The following RSPO2 variants were observed in gnomAD, a reference collection of about 807,000 sequenced individuals.
RSPO2 encodes the protein R-spondin-2.
Under a neutral mutation model 30.9 loss-of-function variants are expected in RSPO2, and 14 were observed. The observed-to-expected ratio is 0.45, with a 90% CI of 0.30 to 0.71. RSPO2 has a LOEUF of 0.71. RSPO2 is among the 30% of genes least tolerant of loss of function. The probability of loss-of-function intolerance (pLI) is 0.08; values close to 1 mark genes in which losing one functional copy is unlikely to be tolerated. For synonymous variants in RSPO2, 107 were observed against 96.4 expected, an observed-to-expected ratio of 1.11 and a Z score of -0.64; for missense variants, 264 against 301.9, an observed-to-expected ratio of 0.87 and a Z score of 0.93.
At chr8:108,035,533 C>T (rs1230955132) in intron 2 of RSPO2, among the ~76,000 whole-genome samples, 3 of 152,070 alleles carry the variant, frequency 2.0e-5, no homozygotes, top group Non-Finnish European at 2.9e-5. Context: ...TGCAGTGGCG[C>T]GATCTTGGCT....
At chr8:107,924,942 G>A (rs1173503823) in intron 5 of RSPO2, among the ~76,000 whole-genome samples, 1 of 151,904 alleles carries the variant, frequency 6.6e-6, no homozygotes, top group African/African-American at 2.4e-5. Context: ...CAGAGGTAGG[G>A]AAGTATTCTT....
intron 2 of RSPO2, among the ~76,000 whole-genome samples, chr8:108,073,400 C>T (rs778164080): frequency 6.6e-6 from 1 of 152,218 alleles, no homozygotes; most frequent in Non-Finnish European, 1.5e-5. Context: ...TATCCAGCAA[C>T]AGGGGAGGGA....
chr8:108,044,379 C>T (rs1053711530), intron 2 of RSPO2, among the ~76,000 whole-genome samples: 3 of 151,960 alleles, frequency 2.0e-5, no homozygotes, highest in South Asian at 2.1e-4. Context: ...TTTTCAATTA[C>T]CCCCCTCTCT....
intron 2 of RSPO2, among the ~76,000 whole-genome samples, chr8:108,060,839 A>G (rs1322415118): frequency 1.3e-5 from 2 of 151,850 alleles, no homozygotes; most frequent in African/African-American, 4.9e-5. Context: ...AGATCTCTCA[A>G]AAGAACCTCT....
In RSPO2 at chr8:108,007,399, TTATG is replaced by T. The variant is rs1815487321; in HGVS notation, c.95-18159_95-18156del. 2.0e-5 allele frequency among the ~76,000 whole-genome samples: 3 copies of T among 152,288 alleles called. No homozygotes were observed. In the South Asian group the frequency reaches 6.2e-4, roughly 32 times the overall value. ...GGGAAAAAATATACCACCCAAGAGA[TTATG>T]TATTAATCACAAATGAGAAAAGTTG... On this transcript the variant is annotated intron_variant, in intron 2 of 5. Coordinates refer to ENST00000276659, the MANE Select transcript of RSPO2 (RefSeq NM_178565.5).
chr8:107,921,662 CTT>C (rs1221813808), intron 5 of RSPO2, among the ~76,000 whole-genome samples: 6 of 151,638 alleles, frequency 4.0e-5, no homozygotes, highest in Non-Finnish European at 7.4e-5. Flanking sequence ...AAAGAGAAAA[CTT>C]CCAGCCAATA....
Position 108,010,329 on chromosome 8 carries a change from G to T in RSPO2, c.95-21085C>A, listed in dbSNP as rs138338794. ...TGGAACAAAAGATAATGCATATCTTGCCCTGACAAATGTGGGAAACACAAG... is the reference window on the plus strand; with the variant it reads ...TGGAACAAAAGATAATGCATATCTTTCCCTGACAAATGTGGGAAACACAAG... On this transcript the variant is annotated intron_variant, in intron 2 of 5. Coordinates refer to ENST00000276659, the MANE Select transcript of RSPO2 (RefSeq NM_178565.5). Among the ~76,000 whole-genome samples, 425 of 152,276 alleles carry T rather than the reference G, an allele frequency of 2.8e-3. 1 individual carries two copies. The highest frequency in any genetic ancestry group is 9.8e-3 in the African/African-American group (407 of 41,550).
At chr8:108,060,041 A>C (rs532231084) in intron 2 of RSPO2, among the ~76,000 whole-genome samples, 25 of 151,820 alleles carry the variant, frequency 1.6e-4, no homozygotes, top group Admixed American at 9.2e-4. Context: ...GTACTACAAT[A>C]CCAGGGGGTG....
chr8:107,912,015 C>G (rs1811842669), intron 5 of RSPO2, among the ~76,000 whole-genome samples: 1 of 152,108 alleles, frequency 6.6e-6, no homozygotes, highest in Non-Finnish European at 1.5e-5. Context: ...CAGTTATTCC[C>G]TGGGGTTAAG....
chr8:108,017,461 G>T (rs1810928030), intron 2 of RSPO2, among the ~76,000 whole-genome samples: 1 of 152,200 alleles, frequency 6.6e-6, no homozygotes, highest in Non-Finnish European at 1.5e-5. Context: ...GTGAGGAAGA[G>T]AAACAGTGGA....
At chr8:108,036,541 A>G (rs1189845449) in intron 2 of RSPO2, among the ~76,000 whole-genome samples, 2 of 152,188 alleles carry the variant, frequency 1.3e-5, no homozygotes, top group Non-Finnish European at 1.5e-5. Flanking sequence ...GCGCTTTTCA[A>G]TGTTAGGCTG....
At chr8:107,933,898 T>A (rs1586557160) in intron 5 of RSPO2, among the ~76,000 whole-genome samples, 1 of 152,272 alleles carries the variant, frequency 6.6e-6, no homozygotes, top group South Asian at 2.1e-4. Flanking sequence ...TGGACACTCA[T>A]CTTAAAAAAT....
chr8:107,924,080 CT>C (rs1812275595), intron 5 of RSPO2, among the ~76,000 whole-genome samples: 1 of 142,940 alleles, frequency 7.0e-6, no homozygotes, highest in Non-Finnish European at 1.6e-5. Context: ...ACGTGTACCC[CT>C]GAACATACAA....
chr8:107,997,563 C>T (rs1482415672), intron 2 of RSPO2, among the ~76,000 whole-genome samples: 1 of 152,136 alleles, frequency 6.6e-6, no homozygotes. Flanking sequence ...AACAGTGATT[C>T]TAGCACAAAC....
At chr8:107,905,346 G>T (rs1399357733) in intron 5 of RSPO2, among the ~76,000 whole-genome samples, 1 of 152,002 alleles carries the variant, frequency 6.6e-6, no homozygotes, top group African/African-American at 2.4e-5. Context: ...CTATAAAAGA[G>T]ATTAAAGCTT....
intron 5 of RSPO2, among the ~76,000 whole-genome samples, chr8:107,925,059 T>C (rs1413267429): frequency 6.6e-6 from 1 of 152,078 alleles, no homozygotes; most frequent in African/African-American, 2.4e-5. Context: ...CATATGATTT[T>C]TTTATTCTTG....
chr8:108,077,411 G>C (rs1813047900), intron 2 of RSPO2, among the ~76,000 whole-genome samples: 1 of 152,062 alleles, frequency 6.6e-6, no homozygotes, highest in Non-Finnish European at 1.5e-5. Context: ...CTAGAGGAGA[G>C]AAGAACAGGT....
In RSPO2 at chr8:107,900,175, C is replaced by T. The variant is rs1227770329; in HGVS notation, c.*900G>A. The T allele has an allele frequency of 6.6e-6, 1 of 152,150 alleles. No individual in the cohort carries two copies. The highest frequency in any genetic ancestry group is 2.4e-5 in the African/African-American group (1 of 41,426). 9.4% of individuals were successfully genotyped at this position (152,150 alleles called of 1,614,324 possible). A position where few individuals can be genotyped will look rare whatever the true frequency, so the allele number is the denominator to read the frequency against. ...ATCTTAGACTCAAAGGCAGTTTGGGCTTCTGATTGCCAGATGCCGCCTGCT... is the reference window on the plus strand; with the variant it reads ...ATCTTAGACTCAAAGGCAGTTTGGGTTTCTGATTGCCAGATGCCGCCTGCT... On this transcript the variant is annotated 3_prime_UTR_variant, in exon 6 of 6. Transcript: ENST00000276659.
chr8:108,077,453 T>C (rs564922344), intron 2 of RSPO2, among the ~76,000 whole-genome samples: 18 of 152,186 alleles, frequency 1.2e-4, no homozygotes, highest in Admixed American at 1.0e-3. Context: ...GTAAAAACAC[T>C]ATCCCTACCC....
Sources: gnomAD v4.1 joint callset for allele counts (sites outside exome capture counted in the v4.1 genomes callset) on GRCh38, gnomAD v4.1.1 for gene constraint, MANE v1.5 for transcripts, NCBI Gene and HGNC (gene_info 2026-07-23, HGNC 2026-07-21) for gene names.